The following KLF17 variants were observed in gnomAD, a reference collection of about 807,000 sequenced individuals.
KLF17 encodes KLF transcription factor 17.
A neutral mutation model predicts 34.2 loss-of-function variants in KLF17; 31 were observed. The ratio of observed to expected loss-of-function variants is 0.91; its 90% CI spans 0.68 to 1.22. The LOEUF is 1.22. KLF17 is among the 50% of genes most tolerant of loss of function. The pLI, the probability that KLF17 is intolerant of heterozygous loss-of-function variation, is 0.00. For synonymous variants in KLF17, 179 were observed against 186.7 expected (o/e 0.96, Z 0.34); for missense variants, 478 against 505.2 (o/e 0.95, Z 0.52).
chr1:44,073,485 C>T, the KLF17 span, among the ~76,000 whole-genome samples: 1 of 152,032 alleles, frequency 6.6e-6, no homozygotes, highest in East Asian at 1.9e-4. Flanking sequence ...GGACTACAGG[C>T]ATGAGCTACT....
chr1:44,072,119 T>C, the KLF17 span, among the ~76,000 whole-genome samples: 7 of 151,990 alleles, frequency 4.6e-5, no homozygotes, highest in Non-Finnish European at 1.0e-4. Flanking sequence ...ACAACAGGAC[T>C]TGTTGATGGA....
At chr1:44,085,736 C>T in the KLF17 span, among the ~76,000 whole-genome samples, 97 of 137,104 alleles carry the variant, frequency 7.1e-4, no homozygotes, top group African/African-American at 2.6e-3. Flanking sequence ...CCCACGAGTT[C>T]GAGACTGCAA....
the KLF17 span, among the ~76,000 whole-genome samples, chr1:44,069,544 G>A: frequency 6.7e-6 from 1 of 149,612 alleles, no homozygotes; most frequent in African/African-American, 2.5e-5. The surrounding 1 kb of genome is among the most constrained non-coding windows in gnomAD (Gnocchi z 4.7). Context: ...TTTTAAACAA[G>A]CAGATCTCTA....
the KLF17 span, among the ~76,000 whole-genome samples, chr1:44,057,767 C>A: frequency 0.28 from 43,017 of 152,016 alleles, 6,455 homozygotes; most frequent in South Asian, 0.41. Flanking sequence ...TTTCTCAAAT[C>A]TTCCTGGGAA....
the KLF17 span, among the ~76,000 whole-genome samples, chr1:44,094,336 C>G: frequency 1.3e-5 from 2 of 152,222 alleles, no homozygotes; most frequent in African/African-American, 4.8e-5. Context: ...TGTGCAGAAG[C>G]TTTTTAGCTT....
the KLF17 span, among the ~76,000 whole-genome samples, chr1:44,112,698 G>C: frequency 6.6e-6 from 1 of 152,148 alleles, no homozygotes; most frequent in Non-Finnish European, 1.5e-5. Flanking sequence ...GTGAGTCACC[G>C]CAATTGGCCT....
the KLF17 span, among the ~76,000 whole-genome samples, chr1:44,079,613 T>C: frequency 6.6e-6 from 1 of 152,122 alleles, no homozygotes; most frequent in East Asian, 1.9e-4. Flanking sequence ...CTAGTAATTC[T>C]TTATATTAAA....
At chr1:44,122,402 A>T in intron 1 of KLF17, 2 of 1,590,470 alleles carry the variant, frequency 1.3e-6, no homozygotes. Flanking sequence ...TAAGATGTGT[A>T]TTCATGCTGA....
chr1:44,062,535 C>G, the KLF17 span, among the ~76,000 whole-genome samples: 1 of 146,482 alleles, frequency 6.8e-6, no homozygotes, highest in Non-Finnish European at 1.5e-5. Context: ...AAGACCCTAT[C>G]TTTACAAAAA....
intron 1 of KLF17, among the ~76,000 whole-genome samples, chr1:44,123,646 A>G (rs769896804): frequency 5.3e-5 from 8 of 152,016 alleles, no homozygotes; most frequent in Non-Finnish European, 1.0e-4. Flanking sequence ...CTTAAGGTAT[A>G]AAGTTAGGTT....
At chr1:44,130,979 T>C (rs1402703412) in intron 3 of KLF17, among the ~76,000 whole-genome samples, 1 of 152,116 alleles carries the variant, frequency 6.6e-6, no homozygotes, top group Non-Finnish European at 1.5e-5. Flanking sequence ...GTATTTTTAG[T>C]AGAGACGGGG....
the KLF17 span, chr1:44,104,194 C>A: frequency 1.6e-5 from 17 of 1,067,510 alleles, no homozygotes; most frequent in East Asian, 2.8e-4. Context: ...TTGATGAGGA[C>A]AAATTGATTC....
At chr1:44,121,664 T>C (rs1322819499) in intron 1 of KLF17, among the ~76,000 whole-genome samples, 1 of 152,240 alleles carries the variant, frequency 6.6e-6, no homozygotes, top group Non-Finnish European at 1.5e-5. Context: ...TTCCTCATGA[T>C]AACATTTAGC....
the KLF17 span, chr1:44,061,327 C>T: frequency 3.9e-5 from 6 of 152,302 alleles, no homozygotes; most frequent in South Asian, 1.0e-3. Flanking sequence ...CTTCTGTAGT[C>T]CCTTTAAGAT....
the KLF17 span, among the ~76,000 whole-genome samples, chr1:44,093,790 A>G: frequency 6.6e-6 from 1 of 152,216 alleles, no homozygotes; most frequent in African/African-American, 2.4e-5. Context: ...ATGTCTCCTA[A>G]GGCTCTGAGT....
the KLF17 span, among the ~76,000 whole-genome samples, chr1:44,109,677 C>A: frequency 6.6e-6 from 1 of 152,202 alleles, no homozygotes; most frequent in East Asian, 1.9e-4. Context: ...TACTCCTCTG[C>A]CTCTGTTGGT....
chr1:44,090,306 CAAAAAAAAAAAAAAAAAAAA>C, the KLF17 span, among the ~76,000 whole-genome samples: 2 of 23,410 alleles, frequency 8.5e-5, no homozygotes, highest in Non-Finnish European at 1.4e-4. Context: ...CTTGTCTCTA[CAAAAAAAAAAAAAAAAAAAA>C]AAAAAAAAAA....
At chr1:44,101,886 C>A in the KLF17 span, among the ~76,000 whole-genome samples, 4 of 151,600 alleles carry the variant, frequency 2.6e-5, no homozygotes, top group Non-Finnish European at 4.4e-5. Flanking sequence ...AACAAACAAA[C>A]AAACAAAACC....
At chr1:44,094,422 C>T in the KLF17 span, among the ~76,000 whole-genome samples, 1 of 152,116 alleles carries the variant, frequency 6.6e-6, no homozygotes, top group African/African-American at 2.4e-5. Context: ...CTTTGCCAGA[C>T]CAGTGTCCTA....
Sources: gnomAD v4.1 joint callset for allele counts (sites outside exome capture counted in the v4.1 genomes callset) on GRCh38, gnomAD v4.1.1 for gene constraint, Gnocchi (gnomAD v3.1) non-coding constraint, MANE v1.5 for transcripts, NCBI Gene and HGNC (gene_info 2026-07-23, HGNC 2026-07-21) for gene names.